Variants in ZFHX3 observed in about 807,000 individuals in gnomAD.
The protein encoded by ZFHX3 is zinc finger homeobox 3.
A neutral mutation model predicts 279.1 loss-of-function variants in ZFHX3; 42 were observed. That is an observed-to-expected ratio of 0.15 (90% CI 0.12 to 0.19). The LOEUF is 0.19. Among genes scored for constraint, ZFHX3 ranks in the 10% least tolerant of loss-of-function variants. ZFHX3 has a pLI of 1.00. For missense variants in ZFHX3, 4,981 were observed against 4,754.0 expected (o/e 1.05, Z -1.40); for synonymous variants, 2,293 against 1,957.8 (o/e 1.17, Z -4.52).
chr16:73,484,656 G>A (rs553699837), intron 2 of ZFHX3, among the ~76,000 whole-genome samples: 2 of 152,202 alleles, frequency 1.3e-5, no homozygotes. Context: ...CATGTGAGGA[G>A]TAAAGGACCA....
chr16:73,001,738 T>A (rs1963506386), intron 1 of ZFHX3, among the ~76,000 whole-genome samples: 1 of 151,816 alleles, frequency 6.6e-6, no homozygotes, highest in Non-Finnish European at 1.5e-5. Flanking sequence ...AAGGATGCCT[T>A]GAGCCCGGGA....
At chr16:73,486,346 G>A (rs2143637838) in intron 2 of ZFHX3, among the ~76,000 whole-genome samples, 1 of 152,352 alleles carries the variant, frequency 6.6e-6, no homozygotes, top group East Asian at 1.9e-4. Flanking sequence ...TGGGGCTCTT[G>A]AGCCCCTGTG....
intron 5 of ZFHX3, among the ~76,000 whole-genome samples, chr16:73,208,231 T>C (rs932658752): frequency 1.3e-5 from 2 of 152,216 alleles, no homozygotes; most frequent in Non-Finnish European, 2.9e-5. Context: ...GTGGGATAGT[T>C]AGCAAATTAT....
intron 5 of ZFHX3, among the ~76,000 whole-genome samples, chr16:73,212,942 T>C (rs1235588829): frequency 1.3e-5 from 2 of 152,212 alleles, no homozygotes; most frequent in African/African-American, 2.4e-5. Context: ...AAAAAGTGCA[T>C]GCGTGTAAAC....
intron 3 of ZFHX3, among the ~76,000 whole-genome samples, chr16:73,354,824 C>T (rs2016309381): frequency 6.6e-6 from 1 of 152,212 alleles, no homozygotes; most frequent in Admixed American, 6.5e-5. Flanking sequence ...CTCCCGGCAT[C>T]AGCCCCAAGA....
chr16:73,794,512 G>T (rs547450909), intron 1 of ZFHX3, among the ~76,000 whole-genome samples: 1 of 152,298 alleles, frequency 6.6e-6, no homozygotes, highest in African/African-American at 2.4e-5. Flanking sequence ...TAGGTTGCAT[G>T]GTCCTTTATT....
chr16:72,854,639 C>CT (rs972942850), intron 4 of ZFHX3, among the ~76,000 whole-genome samples: 1 of 151,938 alleles, frequency 6.6e-6, no homozygotes, highest in Non-Finnish European at 1.5e-5. Context: ...AAACTTTTTG[C>CT]TTTTTTAAAA....
At chr16:72,870,799 A>T (rs980041043) in intron 4 of ZFHX3, among the ~76,000 whole-genome samples, 2 of 152,168 alleles carry the variant, frequency 1.3e-5, no homozygotes, top group African/African-American at 2.4e-5. Flanking sequence ...TTTCATACAA[A>T]GGATATTATT....
At chr16:72,937,446 C>A (rs962066855) in intron 3 of ZFHX3, among the ~76,000 whole-genome samples, 1 of 152,238 alleles carries the variant, frequency 6.6e-6, no homozygotes, top group Non-Finnish European at 1.5e-5. Flanking sequence ...AACACAGAAA[C>A]CACTGGCGAC....
intron 3 of ZFHX3, among the ~76,000 whole-genome samples, chr16:73,412,904 C>T (rs996773234): frequency 1.4e-4 from 22 of 152,170 alleles, no homozygotes; most frequent in Admixed American, 9.2e-4. Context: ...CTCTGTGCTA[C>T]GCTGTTGAAG....
intron 5 of ZFHX3, among the ~76,000 whole-genome samples, chr16:73,195,182 G>A (rs1968117642): frequency 6.6e-6 from 1 of 152,036 alleles, no homozygotes; most frequent in Non-Finnish European, 1.5e-5. Flanking sequence ...TTTGCCACAT[G>A]GAAATTTCTT....
intron 3 of ZFHX3, among the ~76,000 whole-genome samples, chr16:73,424,993 G>C (rs1479776139): frequency 1.3e-5 from 2 of 152,142 alleles, no homozygotes; most frequent in African/African-American, 4.8e-5. Context: ...CTGGGCCAAA[G>C]ACCACCAGCG....
intron 3 of ZFHX3, among the ~76,000 whole-genome samples, chr16:73,422,467 C>A (rs182203468): frequency 1.6e-4 from 24 of 152,170 alleles, no homozygotes; most frequent in Non-Finnish European, 3.4e-4. Context: ...CAGTGACTGG[C>A]ACACAGAAAA....
In ZFHX3 at chr16:73,735,903, T is replaced by TG. The variant is rs1567565739; in HGVS notation, c.-1607-55664_-1607-55663insC. Among the ~76,000 whole-genome samples, 53 of 8,872 alleles carry TG rather than the reference T, an allele frequency of 6.0e-3. 1 individual carries two copies. Among genetic ancestry groups the TG allele is most frequent in the Admixed American group, 0.02 (10 of 494 alleles). The allele number at this position is 8,872 out of a possible 152,430, so 5.8% of individuals were successfully genotyped here. ...CACCAGCCATTCCGTTTTTTTTTTTTTTTTTTTTTTTTTAATGCTCTGAAG... is the reference window on the plus strand; with the variant it reads ...CACCAGCCATTCCGTTTTTTTTTTTTGTTTTTTTTTTTTTAATGCTCTGAAG... On this transcript the variant is annotated intron_variant, in intron 1 of 17. Coordinates refer to the ZFHX3 transcript ENST00000641206.
intron 1 of ZFHX3, among the ~76,000 whole-genome samples, chr16:73,888,587 G>A (rs2030426242): frequency 2.0e-5 from 3 of 152,170 alleles, no homozygotes; most frequent in Admixed American, 2.0e-4. Flanking sequence ...AGCTAAAAAT[G>A]TCACCTGCTC....
intron 1 of ZFHX3, among the ~76,000 whole-genome samples, chr16:73,837,694 A>C (rs1961180852): frequency 1.3e-5 from 2 of 152,144 alleles, no homozygotes; most frequent in Admixed American, 6.5e-5. Flanking sequence ...GCTAGAGGGC[A>C]ATGGCGCGAT....
intron 1 of ZFHX3, among the ~76,000 whole-genome samples, chr16:73,795,751 A>C (rs183306279): frequency 2.0e-5 from 3 of 152,240 alleles, no homozygotes; most frequent in Admixed American, 2.0e-4. Flanking sequence ...TCAGAATTTC[A>C]ATTCTTTGAC....
chr16:73,606,914 G>A (rs1567531763), intron 2 of ZFHX3, among the ~76,000 whole-genome samples: 1 of 152,132 alleles, frequency 6.6e-6, no homozygotes, highest in African/African-American at 2.4e-5. Flanking sequence ...ATAAGAACTC[G>A]GCTGGGCACA....
chr16:73,613,682 G>A (rs1195842379), intron 2 of ZFHX3, among the ~76,000 whole-genome samples: 1 of 152,208 alleles, frequency 6.6e-6, no homozygotes, highest in Non-Finnish European at 1.5e-5. Flanking sequence ...GAGTATTATA[G>A]CTACTTTGAA....
Sources: allele counts gnomAD v4.1 joint callset (sites outside exome capture counted in the v4.1 genomes callset), GRCh38; gene constraint gnomAD v4.1.1; transcripts MANE v1.5; gene names NCBI Gene and HGNC (gene_info 2026-07-23, HGNC 2026-07-21).